TJP2: variants seen among roughly 807,000 people sequenced by gnomAD.
TJP2 encodes the protein tight junction protein 2, also known as Friedreich ataxia region gene X104 (tight junction protein ZO-2).
TJP2 carries 91 observed loss-of-function variants against 133.1 expected under a neutral mutation model. That is an observed-to-expected ratio of 0.68 (90% CI 0.58 to 0.81). The LOEUF (loss-of-function observed/expected upper bound fraction) is 0.81, where lower values mean the gene tolerates loss of function less well. Ranked by LOEUF, TJP2 falls within the 40% of genes least tolerant of loss-of-function variation. TJP2 has a pLI of 0.00. For synonymous variants in TJP2, 592 were observed against 583.4 expected (o/e 1.01, Z -0.21); for missense variants, 1,541 against 1,565.6 (o/e 0.98, Z 0.26).
At chr9:69,180,472 C>T (rs1825418169) in intron 1 of TJP2, among the ~76,000 whole-genome samples, 1 of 151,934 alleles carries the variant, frequency 6.6e-6, no homozygotes, top group South Asian at 2.1e-4. Context: ...CATTTTTTTC[C>T]ATTTGTTGAG....
chr9:69,137,351 T>C (rs1822822533), intron 1 of TJP2, among the ~76,000 whole-genome samples: 1 of 143,674 alleles, frequency 7.0e-6, no homozygotes, highest in African/African-American at 2.6e-5. Context: ...TGAGACAGGG[T>C]TTTGCTTTGT....
chr9:69,127,100 C>T (rs4610813), intron 1 of TJP2, among the ~76,000 whole-genome samples: 1,123 of 68,560 alleles, frequency 0.016, 428 homozygotes, highest in South Asian at 0.11. Flanking sequence ...GGCAAAGTCT[C>T]ACTCTATCGC....
At position 69,163,058 on chromosome 9, in the gene TJP2, C is replaced by T. The variant is rs1414072730; in HGVS notation, c.-10+11287C>T. Among the ~76,000 whole-genome samples the T allele has an allele frequency of 1.3e-4, 13 of 99,586 alleles. 3 individuals are homozygous for T. The highest frequency in any genetic ancestry group is 5.1e-4 in the African/African-American group (13 of 25,538). The allele number at this position is 99,586 out of a possible 152,430, so 65.3% of individuals were successfully genotyped here. On this transcript the variant is annotated intron_variant, in intron 2 of 5. Transcript: ENST00000423935. The stretch of plus-strand genomic sequence containing the variant: ...TTTTTTTTTTTGAGACGGAGTCTCG[C>T]TCTGTCGCCCAGGCTGGAGTGCAGT...
intron 11 of TJP2, among the ~76,000 whole-genome samples, chr9:69,232,119 A>G (rs1011766012): frequency 6.6e-6 from 1 of 152,138 alleles, no homozygotes; most frequent in Non-Finnish European, 1.5e-5. Flanking sequence ...CAGCATTTAT[A>G]CTTAAGGTGT....
At position 69,237,923 on chromosome 9, in the gene TJP2, T is replaced by A. The variant is rs149439289; in HGVS notation, c.2225T>A (p.Ile742Lys). Residue 742 changes from isoleucine (I) to lysine (K), a missense_variant, in exon 15 of 23, where the codon ATA becomes AAA. Physicochemically the swap from Ile to Lys is moderately radical, Grantham distance 102. Transcript: ENST00000377245. ...PVVLFGPIADIAMEKLANELP... is the reference protein window; with the variant it reads ...PVVLFGPIADKAMEKLANELP... ...GTCTTATTCGGCCCCATAGCTGATA[T>A]AGCAATGGAAAAATTGGCTAATGAG... 2 of 1,614,048 alleles carry A rather than the reference T, an allele frequency of 1.2e-6. No homozygotes were observed. Among genetic ancestry groups the A allele is most frequent in the Non-Finnish European group, 1.7e-6 (2 of 1,179,952 alleles).
At chr9:69,211,754 C>T (rs1399182708) in intron 1 of TJP2, among the ~76,000 whole-genome samples, 3 of 152,206 alleles carry the variant, frequency 2.0e-5, no homozygotes, top group African/African-American at 7.2e-5. Flanking sequence ...AAGGATGAGA[C>T]AGTCACTGCA....
chr9:69,226,558 G>A (rs1381117703), intron 7 of TJP2, among the ~76,000 whole-genome samples: 1 of 152,146 alleles, frequency 6.6e-6, no homozygotes, highest in African/African-American at 2.4e-5. Context: ...GAGTGCAGTG[G>A]TACAATCTTG....
intron 1 of TJP2, among the ~76,000 whole-genome samples, chr9:69,131,742 G>A (rs571017520): frequency 1.3e-5 from 2 of 152,298 alleles, no homozygotes; most frequent in African/African-American, 4.8e-5. Context: ...TCAGCCCTTT[G>A]CACAGATGAA....
chr9:69,230,247 G>A lies in TJP2; in HGVS notation c.1671+15G>A. 1.9e-6 allele frequency: 3 copies of A among 1,614,030 alleles called. No individual in the cohort carries two copies. Among genetic ancestry groups the A allele is most frequent in the Non-Finnish European group, 2.5e-6 (3 of 1,179,966 alleles). Reference sequence around the variant, plus strand: ...AGATTCTGAAGGTAAGAACAGCCCAGCTCTGTTTCTAGAAGTTACTTGTAA... The same window carrying A: ...AGATTCTGAAGGTAAGAACAGCCCAACTCTGTTTCTAGAAGTTACTTGTAA... On this transcript the variant is annotated intron_variant, in intron 11 of 22. Transcript: ENST00000377245.
Position 69,249,489 on chromosome 9 carries a change from C to T in TJP2, c.2991+4C>T, listed in dbSNP as rs768913707. 1.5e-5 allele frequency: 24 copies of T among 1,599,124 alleles called. No individual in the cohort carries two copies. The highest frequency in any genetic ancestry group is 2.7e-5 in the African/African-American group (2 of 74,552). On this transcript the variant is annotated splice_donor_region_variant and intron_variant, in intron 20 of 22. Coordinates refer to ENST00000377245, the MANE Select transcript of TJP2 (RefSeq NM_004817.4). ...ATTCAAGCCAGAGCCGCCCAAGGTA[C>T]GTGGCTGGGAAGCCCAGGATGGGAA...
chr9:69,244,800 A>G (rs1276983064), intron 17 of TJP2, among the ~76,000 whole-genome samples: 2 of 152,202 alleles, frequency 1.3e-5, no homozygotes, highest in Admixed American at 6.5e-5. Context: ...GAAGCTCTCA[A>G]TTTTTATTCA....
At chr9:69,202,707 G>A (rs1212499287) in intron 1 of TJP2, among the ~76,000 whole-genome samples, 1 of 152,150 alleles carries the variant, frequency 6.6e-6, no homozygotes, top group African/African-American at 2.4e-5. Context: ...TGTTGAGTAG[G>A]CTGAGGAAGA....
rs767365877 is a variant in TJP2, at chr9:69,234,523, A to C, written c.1756A>C (p.Ile586Leu). ...AATCCCTAAAGGTGAAATGGTGACC[A>C]TTTTAGCTCAGAGCCGAGCCGATGG... ...LEIPKGEMVT[I>L]LAQSRADVYR... is the part of the protein sequence containing the mutation. Residue 586 changes from isoleucine to leucine, a missense_variant, in exon 12 of 23, where the codon ATT (isoleucine) becomes CTT (leucine). Transcript: ENST00000377245. 7.6e-7 allele frequency: 1 copy of C among 1,314,004 alleles called. No homozygotes were observed. The highest frequency in any genetic ancestry group is 1.8e-5 in the African/African-American group (1 of 55,276). 81.4% of individuals were successfully genotyped at this position (1,314,004 alleles called of 1,614,324 possible).
At chr9:69,168,645 AT>A (rs1261432402) in intron 2 of TJP2, among the ~76,000 whole-genome samples, 3 of 151,434 alleles carry the variant, frequency 2.0e-5, no homozygotes, top group Admixed American at 6.6e-5. Flanking sequence ...AAATACAAAA[AT>A]TAGCCAGGTG....
intron 2 of TJP2, among the ~76,000 whole-genome samples, chr9:69,159,924 TC>T (rs1823981767): frequency 4.0e-5 from 6 of 150,412 alleles, no homozygotes; most frequent in East Asian, 1.9e-4. Flanking sequence ...TGTGTGTGTT[TC>T]TTTTTTTTTC....
intron 13 of TJP2, 152 bp from the exon 14 acceptor site, chr9:69,236,797 G>A: frequency 1.1e-6 from 1 of 903,444 alleles, no homozygotes; most frequent in Admixed American, 1.8e-5. Flanking sequence ...TGGAAGTGAA[G>A]GTCCCCACAT....
intron 19 of TJP2, 38 bp downstream of exon 19, chr9:69,248,262 C>A: frequency 6.4e-7 from 1 of 1,551,854 alleles, no homozygotes; most frequent in Non-Finnish European, 8.7e-7. Context: ...ACAGGAGAGC[C>A]TGGTGTTTTC....
chr9:69,219,875 T>C (rs1189756678), intron 4 of TJP2, among the ~76,000 whole-genome samples: 1 of 147,726 alleles, frequency 6.8e-6, no homozygotes. Context: ...AAAAATGGCA[T>C]TGGGCCAGGT....
intron 2 of TJP2, among the ~76,000 whole-genome samples, chr9:69,157,909 C>T (rs528106617): frequency 6.6e-6 from 1 of 152,258 alleles, no homozygotes; most frequent in Non-Finnish European, 1.5e-5. Context: ...ACATCTTAAG[C>T]ATAGCATGTA....
Sources: gnomAD v4.1 joint callset for allele counts (sites outside exome capture counted in the v4.1 genomes callset) on GRCh38, gnomAD v4.1.1 for gene constraint, MANE v1.5 for transcripts, NCBI Gene and HGNC (gene_info 2026-07-23, HGNC 2026-07-21) for gene names.